The following EYA4 variants were observed in gnomAD, a reference collection of about 807,000 sequenced individuals.
The protein encoded by EYA4 is protein phosphatase EYA4.
A neutral mutation model predicts 87.9 loss-of-function variants in EYA4; 31 were observed. The observed-to-expected ratio is 0.35, with a 90% CI of 0.27 to 0.48. The LOEUF is 0.48. EYA4 is among the 20% of genes least tolerant of loss of function. EYA4 has a pLI of 0.99. For missense variants in EYA4, 678 were observed against 761.4 expected (o/e 0.89, Z 1.29); for synonymous variants, 263 against 270.6 (o/e 0.97, Z 0.28).
At chr6:133,445,458 G>A (rs1792723572) in intron 3 of EYA4, among the ~76,000 whole-genome samples, 1 of 151,782 alleles carries the variant, frequency 6.6e-6, no homozygotes, top group South Asian at 2.1e-4. Context: ...TATAGTTCAG[G>A]TTGTTGGTGA....
intron 2 of EYA4, among the ~76,000 whole-genome samples, chr6:133,316,253 G>A (rs868671584): frequency 1.9e-4 from 29 of 152,180 alleles, no homozygotes; most frequent in Middle Eastern, 3.4e-3. Flanking sequence ...ATTATAAAGT[G>A]TGCTGATGAT....
In EYA4 at chr6:133,468,718, G is replaced by T. The variant is rs1795063066; in HGVS notation, c.957G>T (p.Leu319=). ...TYQLQESLPG[L]TNQPGEFDTM... is the part of the protein sequence containing the mutation. Reference sequence around the variant, plus strand: ...AGTTGCAGGAATCTCTCCCAGGACTGACTAACCAACCAGGTACAGATCTTC... The same window carrying T: ...AGTTGCAGGAATCTCTCCCAGGACTTACTAACCAACCAGGTACAGATCTTC... Residue 319 remains leucine, a synonymous_variant, in exon 11 of 20, where the codon CTG becomes CTT. Transcript: ENST00000355286. 1 of 1,612,900 alleles carries T rather than the reference G, an allele frequency of 6.2e-7. No homozygotes were observed. The highest frequency in any genetic ancestry group is 1.3e-5 in the African/African-American group (1 of 74,838).
rs1303801473 is a variant in EYA4 at position 133,530,626 on chromosome 6, T to C, written c.*1821T>C. ...GATCACAACATTCACTGTGGAAATA[T>C]GATTTCATTTCTTTAGGCTACAAAC... On this transcript the variant is annotated 3_prime_UTR_variant, in exon 20 of 20. Coordinates refer to ENST00000355286, the MANE Select transcript of EYA4 (RefSeq NM_004100.5). The C allele has an allele frequency of 4.1e-6, 4 of 985,644 alleles. No homozygotes were observed. The highest frequency in any genetic ancestry group is 6.2e-5 in the Admixed American group (1 of 16,254). The allele number at this position is 985,644 out of a possible 1,614,324, so 61.1% of individuals were successfully genotyped here.
intron 2 of EYA4, among the ~76,000 whole-genome samples, chr6:133,289,132 T>A (rs1778290195): frequency 6.6e-6 from 1 of 152,170 alleles, no homozygotes; most frequent in Admixed American, 6.5e-5. Context: ...GAGAATAGAC[T>A]TCAAGTTGTT....
chr6:133,396,763 G>T (rs1004513094), intron 3 of EYA4, among the ~76,000 whole-genome samples: 13 of 152,166 alleles, frequency 8.5e-5, no homozygotes, highest in South Asian at 6.2e-4. Context: ...CTGGAAGTGT[G>T]GATTACCCAT....
chr6:133,418,746 A>G (rs532645373), intron 3 of EYA4, among the ~76,000 whole-genome samples: 6 of 152,226 alleles, frequency 3.9e-5, no homozygotes, highest in Non-Finnish European at 8.8e-5. Context: ...GCACAACTCT[A>G]TAAATAAGGG....
At chr6:133,442,408 G>GA (rs1349096707) in intron 3 of EYA4, among the ~76,000 whole-genome samples, 1 of 152,056 alleles carries the variant, frequency 6.6e-6, no homozygotes, top group Non-Finnish European at 1.5e-5. Flanking sequence ...CCATCCCTCT[G>GA]AAAAATCACT....
At chr6:133,458,787 G>T (rs1794129101) in intron 6 of EYA4, among the ~76,000 whole-genome samples, 1 of 152,094 alleles carries the variant, frequency 6.6e-6, no homozygotes, top group African/African-American at 2.4e-5. Context: ...ACGATAATGA[G>T]AATGAAACCT....
Position 133,465,432 on chromosome 6 carries a change from G to A in EYA4, c.804+574G>A, listed in dbSNP as rs116702136. Among the ~76,000 whole-genome samples, 805 of 152,150 alleles carry A rather than the reference G, an allele frequency of 5.3e-3. 6 individuals are homozygous for A. The highest frequency in any genetic ancestry group is 0.017 in the African/African-American group (725 of 41,532). ...GCTGCAACTTTTTGCTTTTGTCACT[G>A]TGCCTGCCTCTGGTAGTCTTTAGTC... On this transcript the variant is annotated intron_variant, in intron 10 of 19. Coordinates refer to ENST00000355286, the MANE Select transcript of EYA4 (RefSeq NM_004100.5).
At chr6:133,410,679 T>C (rs963418028) in intron 3 of EYA4, among the ~76,000 whole-genome samples, 1 of 149,550 alleles carries the variant, frequency 6.7e-6, no homozygotes, top group African/African-American at 2.4e-5. Context: ...CATTGAAGGC[T>C]CCCTACTCTG....
chr6:133,345,343 TAACA>T (rs1783112539), intron 2 of EYA4, among the ~76,000 whole-genome samples: 1 of 152,156 alleles, frequency 6.6e-6, no homozygotes, highest in African/African-American at 2.4e-5. Flanking sequence ...TAATCTGTCT[TAACA>T]AACTAGAATT....
intron 2 of EYA4, among the ~76,000 whole-genome samples, chr6:133,303,387 A>G (rs1202025777): frequency 6.6e-6 from 1 of 152,140 alleles, no homozygotes; most frequent in African/African-American, 2.4e-5. Flanking sequence ...ATATTCACTT[A>G]ACTAGAGAGG....
chr6:133,256,309 G>T (rs1460904034), intron 1 of EYA4, among the ~76,000 whole-genome samples: 1 of 151,610 alleles, frequency 6.6e-6, no homozygotes, highest in African/African-American at 2.4e-5. Flanking sequence ...ATGTTAGGAA[G>T]AAATAAATCA....
chr6:133,322,659 T>A (rs570887143), intron 2 of EYA4, among the ~76,000 whole-genome samples: 61 of 152,170 alleles, frequency 4.0e-4, no homozygotes, highest in African/African-American at 1.4e-3. Context: ...GCAGTAGGAG[T>A]TAATTTTGAG....
At chr6:133,483,753 T>C (rs927253271) in intron 13 of EYA4, among the ~76,000 whole-genome samples, 2 of 150,192 alleles carry the variant, frequency 1.3e-5, no homozygotes, top group Non-Finnish European at 3.0e-5. Flanking sequence ...AGACAAAGTC[T>C]CACTCTGTCC....
In EYA4 at chr6:133,361,701, T is replaced by A. The variant is rs1169589446; in HGVS notation, c.34-20691T>A. Among the ~76,000 whole-genome samples the A allele has an allele frequency of 2.6e-5, 4 of 152,192 alleles. No homozygotes were observed. In the East Asian group the frequency reaches 7.7e-4, roughly 29 times the overall value. On this transcript the variant is annotated intron_variant, in intron 2 of 19. Coordinates refer to ENST00000355286, the MANE Select transcript of EYA4 (RefSeq NM_004100.5). Reference sequence around the variant, plus strand: ...GCCAATTGATGAGATTTGAGAGGAATCCATGGACATCATTAGTGAACATGT... The same window carrying A: ...GCCAATTGATGAGATTTGAGAGGAAACCATGGACATCATTAGTGAACATGT...
chr6:133,498,462 T>G (rs1797823020), intron 13 of EYA4, among the ~76,000 whole-genome samples: 2 of 152,098 alleles, frequency 1.3e-5, no homozygotes, highest in African/African-American at 4.8e-5. Context: ...GCATAACCTA[T>G]TTATTTAGTT....
At chr6:133,390,398 C>CT (rs1439413858) in intron 3 of EYA4, among the ~76,000 whole-genome samples, 1 of 152,022 alleles carries the variant, frequency 6.6e-6, no homozygotes. Flanking sequence ...CTTTTTGTAT[C>CT]TTTAGTTGAG....
chr6:133,355,155 A>G (rs1783918157), intron 2 of EYA4, among the ~76,000 whole-genome samples: 1 of 152,124 alleles, frequency 6.6e-6, no homozygotes, highest in Non-Finnish European at 1.5e-5. Context: ...AACTTGTGTC[A>G]TGGAGGTTTG....
Sources: gnomAD v4.1 joint callset for allele counts (sites outside exome capture counted in the v4.1 genomes callset) on GRCh38, gnomAD v4.1.1 for gene constraint, MANE v1.5 for transcripts, NCBI Gene and HGNC (gene_info 2026-07-23, HGNC 2026-07-21) for gene names.